The following SDK1 variants were observed in gnomAD, a reference collection of about 807,000 sequenced individuals.
SDK1 encodes the protein protein sidekick-1.
A neutral mutation model predicts 245.5 loss-of-function variants in SDK1; 157 were observed. That is an observed-to-expected ratio of 0.64 (90% CI 0.56 to 0.73). The LOEUF (loss-of-function observed/expected upper bound fraction) is 0.73, where lower values mean the gene tolerates loss of function less well. Among genes scored for constraint, SDK1 ranks in the 30% least tolerant of loss-of-function variants. The pLI is 0.00. For synonymous variants in SDK1, 1,647 were observed against 1,278.5 expected (o/e 1.29, Z -6.15); for missense variants, 3,583 against 3,002.3 (o/e 1.19, Z -4.52).
intron 4 of SDK1, among the ~76,000 whole-genome samples, chr7:3,758,717 C>T (rs141429324): frequency 0.011 from 1,626 of 152,254 alleles, 37 homozygotes; most frequent in Admixed American, 0.051. Context: ...TCTTTAAGAA[C>T]CCTGGTGCCT....
chr7:3,426,006 G>A (rs2128582401), intron 1 of SDK1, among the ~76,000 whole-genome samples: 1 of 152,328 alleles, frequency 6.6e-6, no homozygotes, highest in East Asian at 1.9e-4. Context: ...CTTATACATG[G>A]AAGGATTATA....
At chr7:3,785,027 A>T (rs956542222) in intron 4 of SDK1, among the ~76,000 whole-genome samples, 8 of 152,258 alleles carry the variant, frequency 5.3e-5, no homozygotes, top group Admixed American at 6.5e-5. Flanking sequence ...CATCCTTAAA[A>T]ATGAAGGAAA....
At chr7:3,956,040 C>A (rs747939908) in intron 7 of SDK1, among the ~76,000 whole-genome samples, 1 of 152,176 alleles carries the variant, frequency 6.6e-6, no homozygotes, top group Non-Finnish European at 1.5e-5. Context: ...AGAACCTTTC[C>A]CTGATGTCTT....
intron 5 of SDK1, among the ~76,000 whole-genome samples, chr7:3,862,848 G>A (rs1256909130): frequency 3.3e-5 from 5 of 152,112 alleles, no homozygotes; most frequent in Non-Finnish European, 7.4e-5. Context: ...ATGGTTTCAG[G>A]GTGTTCAGGC....
intron 14 of SDK1, among the ~76,000 whole-genome samples, chr7:3,996,553 A>G (rs1211790046): frequency 6.6e-6 from 1 of 152,206 alleles, no homozygotes; most frequent in African/African-American, 2.4e-5. Flanking sequence ...GTTTATACCC[A>G]TAGGCTGTAT....
chr7:3,656,588 G>A (rs1249759241), intron 4 of SDK1, among the ~76,000 whole-genome samples: 1 of 152,144 alleles, frequency 6.6e-6, no homozygotes, highest in East Asian at 1.9e-4. Context: ...CTTAAGAGCT[G>A]CTTCTGGTGA....
intron 5 of SDK1, among the ~76,000 whole-genome samples, chr7:3,910,843 C>A (rs1779137478): frequency 6.6e-6 from 1 of 152,152 alleles, no homozygotes; most frequent in Non-Finnish European, 1.5e-5. Context: ...TTGTTAAATC[C>A]CCAGTTAGTC....
chr7:3,811,864 T>C (rs1320058869), intron 4 of SDK1, among the ~76,000 whole-genome samples: 2 of 152,230 alleles, frequency 1.3e-5, no homozygotes, highest in South Asian at 2.1e-4. Flanking sequence ...GTCTTGCTAA[T>C]GTGATATCCC....
chr7:3,471,622 G>A (rs184298358), intron 1 of SDK1, among the ~76,000 whole-genome samples: 2 of 152,308 alleles, frequency 1.3e-5, no homozygotes, highest in East Asian at 3.9e-4. Context: ...GATGTTTGAA[G>A]TAAGTCAAGA....
chr7:3,987,895 G>A (rs566525395), intron 14 of SDK1, among the ~76,000 whole-genome samples: 126 of 152,142 alleles, frequency 8.3e-4, no homozygotes, highest in Admixed American at 1.3e-3. Flanking sequence ...GCTGGGTGAC[G>A]TGTGCCCCGC....
At chr7:3,739,498 T>C (rs1779415254) in intron 4 of SDK1, among the ~76,000 whole-genome samples, 1 of 152,170 alleles carries the variant, frequency 6.6e-6, no homozygotes, top group Non-Finnish European at 1.5e-5. Context: ...GTTCTTAGGA[T>C]TGAGTAATTG....
chr7:3,392,269 T>C (rs1003431612), intron 1 of SDK1, among the ~76,000 whole-genome samples: 5 of 152,136 alleles, frequency 3.3e-5, no homozygotes, highest in African/African-American at 2.4e-5. Flanking sequence ...TAGAAATGTA[T>C]CATTATTAAC....
At chr7:3,344,389 C>G (rs748310795) in intron 1 of SDK1, among the ~76,000 whole-genome samples, 2 of 152,108 alleles carry the variant, frequency 1.3e-5, no homozygotes, top group African/African-American at 2.4e-5. Flanking sequence ...AGCTCAGGAT[C>G]CAATTTTTTT....
chr7:3,452,404 A>G (rs562828547), intron 1 of SDK1, among the ~76,000 whole-genome samples: 2 of 152,310 alleles, frequency 1.3e-5, no homozygotes, highest in African/African-American at 4.8e-5. Context: ...AAAAACAGAT[A>G]TACTAATTTG....
chr7:3,446,356 C>T (rs1780341003), intron 1 of SDK1, among the ~76,000 whole-genome samples: 1 of 152,024 alleles, frequency 6.6e-6, no homozygotes. Context: ...AGGTATGAAC[C>T]AAGGCTTGTG....
chr7:3,775,750 GTATTT>G (rs1780537929), intron 4 of SDK1, among the ~76,000 whole-genome samples: 1 of 151,558 alleles, frequency 6.6e-6, no homozygotes, highest in Non-Finnish European at 1.5e-5. Flanking sequence ...CTAATTTTTT[GTATTT>G]TTAGTAGAGA....
intron 1 of SDK1, among the ~76,000 whole-genome samples, chr7:3,499,012 T>G (rs893454285): frequency 1.3e-5 from 2 of 152,200 alleles, no homozygotes; most frequent in African/African-American, 2.4e-5. Flanking sequence ...AAAGTTTAAT[T>G]AAAATTTTGT....
At chr7:3,591,927 A>G (rs1419147127) in intron 1 of SDK1, among the ~76,000 whole-genome samples, 1 of 152,212 alleles carries the variant, frequency 6.6e-6, no homozygotes, top group African/African-American at 2.4e-5. Flanking sequence ...GGGGTCAATA[A>G]ATTTCCACAA....
At chr7:3,783,508 A>G (rs1780812408) in intron 4 of SDK1, among the ~76,000 whole-genome samples, 1 of 152,076 alleles carries the variant, frequency 6.6e-6, no homozygotes, top group African/African-American at 2.4e-5. Context: ...CTAATAAACG[A>G]ATATATTACA....
Sources: gnomAD v4.1 joint callset for allele counts (sites outside exome capture counted in the v4.1 genomes callset) on GRCh38, gnomAD v4.1.1 for gene constraint, MANE v1.5 for transcripts, NCBI Gene and HGNC (gene_info 2026-07-23, HGNC 2026-07-21) for gene names.